TENM2: variants seen among roughly 807,000 people sequenced by gnomAD.
The protein encoded by TENM2 is teneurin transmembrane protein 2.
In TENM2, 52 loss-of-function variants were observed where a neutral mutation model predicts 245.2. The observed-to-expected ratio is 0.21, with a 90% CI of 0.17 to 0.27. The LOEUF (loss-of-function observed/expected upper bound fraction) is 0.27, where lower values mean the gene tolerates loss of function less well. TENM2 is among the 10% of genes least tolerant of loss of function. TENM2 has a pLI of 1.00. For missense variants in TENM2, 3,046 were observed against 3,666.8 expected, an observed-to-expected ratio of 0.83 and a Z score of 4.37; for synonymous variants, 1,363 against 1,438.9, an observed-to-expected ratio of 0.95 and a Z score of 1.19.
intron 19 of TENM2, among the ~76,000 whole-genome samples, chr5:168,207,821 C>A (rs1296865258): frequency 6.6e-6 from 1 of 152,158 alleles, no homozygotes; most frequent in Non-Finnish European, 1.5e-5. Flanking sequence ...TATCCTTCCC[C>A]CTTCCTCCTT....
intron 2 of TENM2, among the ~76,000 whole-genome samples, chr5:167,683,262 C>T (rs114432382): frequency 0.2 from 16,154 of 78,990 alleles, 1,309 homozygotes; most frequent in East Asian, 0.61. Context: ...TTTTTTTTTC[C>T]CCCCCTGGGC....
chr5:168,254,425 G>A (rs1472487946), intron 27 of TENM2, among the ~76,000 whole-genome samples: 1 of 151,776 alleles, frequency 6.6e-6, no homozygotes, highest in East Asian at 1.9e-4. Context: ...TAAAGAAGAG[G>A]AAAGAGGGAA....
intron 17 of TENM2, among the ~76,000 whole-genome samples, chr5:168,202,769 AT>A (rs1179355584): frequency 6.6e-6 from 1 of 152,008 alleles, no homozygotes; most frequent in Non-Finnish European, 1.5e-5. Flanking sequence ...TATCTCAGGA[AT>A]TTTTTAAAGC....
the TENM2 span, among the ~76,000 whole-genome samples, chr5:167,159,984 T>A: frequency 6.6e-6 from 1 of 152,102 alleles, no homozygotes; most frequent in Non-Finnish European, 1.5e-5. Context: ...ACTCAAAAGG[T>A]GGAAGTCAAT....
At chr5:167,333,361 C>T (rs557487054) in intron 1 of TENM2, among the ~76,000 whole-genome samples, 34 of 152,244 alleles carry the variant, frequency 2.2e-4, no homozygotes, top group African/African-American at 8.2e-4. Context: ...AATGTTAGCA[C>T]CTCTCGTAAG....
At chr5:167,162,214 T>C in the TENM2 span, among the ~76,000 whole-genome samples, 1 of 151,652 alleles carries the variant, frequency 6.6e-6, no homozygotes, top group Non-Finnish European at 1.5e-5. Flanking sequence ...CCTCTTCTCA[T>C]GGAAGAACTT....
At chr5:168,256,568 G>C (rs535475994) in intron 27 of TENM2, among the ~76,000 whole-genome samples, 313 of 152,128 alleles carry the variant, frequency 2.1e-3, no homozygotes, top group South Asian at 0.016. Flanking sequence ...TGGGATTACA[G>C]CTGCGTGCAC....
At chr5:167,079,270 T>C in the TENM2 span, among the ~76,000 whole-genome samples, 210 of 146,226 alleles carry the variant, frequency 1.4e-3, 1 homozygote, top group Middle Eastern at 3.6e-3. Flanking sequence ...TATATATATA[T>C]ACACACACAC....
the TENM2 span, among the ~76,000 whole-genome samples, chr5:167,182,850 A>G: frequency 6.6e-6 from 1 of 152,166 alleles, no homozygotes; most frequent in Admixed American, 6.5e-5. Context: ...AATTATTTTG[A>G]GGTGATCTTA....
intron 2 of TENM2, among the ~76,000 whole-genome samples, chr5:167,864,901 A>G (rs1233329979): frequency 2.6e-5 from 4 of 152,230 alleles, no homozygotes; most frequent in Admixed American, 6.5e-5. Flanking sequence ...GTTTCTATAT[A>G]CCAGGAACCG....
chr5:167,572,834 A>G (rs896055210), intron 2 of TENM2, among the ~76,000 whole-genome samples: 1 of 152,180 alleles, frequency 6.6e-6, no homozygotes, highest in African/African-American at 2.4e-5. Context: ...AGCAATAGTG[A>G]CTCAAAAACT....
At chr5:167,371,518 C>T (rs1342368844) in intron 1 of TENM2, among the ~76,000 whole-genome samples, 1 of 151,856 alleles carries the variant, frequency 6.6e-6, no homozygotes, top group Non-Finnish European at 1.5e-5. Context: ...TGCGCCACCA[C>T]ACCCGGCTAA....
At chr5:168,147,786 C>A (rs1033626192) in intron 12 of TENM2, among the ~76,000 whole-genome samples, 2 of 152,108 alleles carry the variant, frequency 1.3e-5, no homozygotes, top group Non-Finnish European at 2.9e-5. Flanking sequence ...ATTGGAGCTC[C>A]GGAAAAGCTA....
intron 13 of TENM2, among the ~76,000 whole-genome samples, chr5:168,182,794 C>T (rs1248245292): frequency 2.6e-5 from 4 of 151,526 alleles, no homozygotes; most frequent in African/African-American, 9.7e-5. Flanking sequence ...CCACGTGAGC[C>T]CTGATCCCTG....
the TENM2 span, among the ~76,000 whole-genome samples, chr5:167,230,048 T>A: frequency 6.6e-6 from 1 of 152,268 alleles, no homozygotes; most frequent in South Asian, 2.1e-4. Context: ...TTGTGGCTCC[T>A]GCCTCAGCCC....
At chr5:167,057,081 T>C in the TENM2 span, among the ~76,000 whole-genome samples, 1 of 152,164 alleles carries the variant, frequency 6.6e-6, no homozygotes, top group Non-Finnish European at 1.5e-5. Context: ...ATCCTCAAGC[T>C]CAGATACTAT....
intron 2 of TENM2, among the ~76,000 whole-genome samples, chr5:167,574,352 A>G (rs1020661819): frequency 2.0e-5 from 3 of 152,202 alleles, no homozygotes; most frequent in African/African-American, 7.2e-5. Flanking sequence ...AAATAATCCA[A>G]TTGATACTGC....
intron 1 of TENM2, among the ~76,000 whole-genome samples, chr5:167,356,229 TA>T (rs1216724621): frequency 5.7e-5 from 8 of 140,924 alleles, no homozygotes; most frequent in East Asian, 2.0e-4. Context: ...AAATTAAAAT[TA>T]AAAAAAAGGC....
At chr5:167,684,262 C>A (rs558981900) in intron 2 of TENM2, among the ~76,000 whole-genome samples, 1 of 152,330 alleles carries the variant, frequency 6.6e-6, no homozygotes, top group South Asian at 2.1e-4. Flanking sequence ...AATGATGCCA[C>A]CTGGCTCTTG....
Sources: gnomAD v4.1 joint callset for allele counts (sites outside exome capture counted in the v4.1 genomes callset) on GRCh38, gnomAD v4.1.1 for gene constraint, MANE v1.5 for transcripts, NCBI Gene and HGNC (gene_info 2026-07-23, HGNC 2026-07-21) for gene names.